CORO2B: variants seen among roughly 807,000 people sequenced by gnomAD.
CORO2B encodes coronin 2B, also known as coronin-2B.
Under a neutral mutation model 58.8 loss-of-function variants are expected in CORO2B, and 26 were observed. That is an observed-to-expected ratio of 0.44 (90% CI 0.32 to 0.61). The LOEUF is 0.61. Ranked by LOEUF, CORO2B falls within the 20% of genes least tolerant of loss-of-function variation. The pLI is 0.04. For missense variants in CORO2B, 460 were observed against 645.1 expected, an observed-to-expected ratio of 0.71 and a Z score of 3.11; for synonymous variants, 242 against 253.8, an observed-to-expected ratio of 0.95 and a Z score of 0.44.
the CORO2B span, among the ~76,000 whole-genome samples, chr15:68,528,052 C>G: frequency 6.6e-6 from 1 of 152,228 alleles, no homozygotes; most frequent in South Asian, 2.1e-4. Flanking sequence ...TTCTTTAGAA[C>G]TTTCTATGTA....
At chr15:68,661,389 A>G (rs2353383) in intron 2 of CORO2B, among the ~76,000 whole-genome samples, 147,412 of 152,266 alleles carry the variant, frequency 0.97, 71,554 homozygotes, top group East Asian at 1. Context: ...GGGTGGCCAG[A>G]GATATTGTCC....
rs535068266 is a variant in CORO2B at position 68,710,768 on chromosome 15, C to T, written c.370C>T (p.Arg124Trp). 34 of 1,611,194 alleles carry T rather than the reference C, an allele frequency of 2.1e-5. No individual in the cohort carries two copies. Among genetic ancestry groups the T allele is most frequent in the African/African-American group, 9.3e-5 (7 of 75,012 alleles). Residue 124 changes from arginine (R) to tryptophan (W), a missense_variant, in exon 4 of 12, where the codon CGG (arginine) becomes TGG (tryptophan). This residue lies in a region of CORO2B where 352 missense variants were observed against 543.0 expected (regional missense o/e 0.65). Transcript: ENST00000261861. This position sits in a 1 kb window ranked among gnomAD's most constrained non-coding sequence, Gnocchi z 4.1. ...GGAGATCCCCGAGGGCGGGCTGAAGCGGAACATGACGGAGGCGCTCCTGGA... is the reference window on the plus strand; with the variant it reads ...GGAGATCCCCGAGGGCGGGCTGAAGTGGAACATGACGGAGGCGCTCCTGGA... Reference protein sequence around the residue: ...IWEIPEGGLKRNMTEALLELH... With the variant: ...IWEIPEGGLKWNMTEALLELH...
At chr15:68,628,808 C>T (rs565998498) in intron 1 of CORO2B, among the ~76,000 whole-genome samples, 1 of 152,198 alleles carries the variant, frequency 6.6e-6, no homozygotes, top group Admixed American at 6.5e-5. Flanking sequence ...CCCAGCCTCT[C>T]CATTCATTCC....
In CORO2B at chr15:68,639,819, T is replaced by C. The variant is rs1048810246; in HGVS notation, c.16-5341T>C. ...GAAAACCAATCTCAAAACCAATATGTCCCAGTCTTGCGCCTTGTGCTCATT... is the reference window on the plus strand; with the variant it reads ...GAAAACCAATCTCAAAACCAATATGCCCCAGTCTTGCGCCTTGTGCTCATT... On this transcript the variant is annotated intron_variant, in intron 1 of 11. Coordinates refer to ENST00000261861, the MANE Select transcript of CORO2B (RefSeq NM_006091.5). 4.6e-5 allele frequency among the ~76,000 whole-genome samples: 7 copies of C among 152,224 alleles called. No individual in the cohort carries two copies. The East Asian group carries it at 1.3e-3, about 29-fold the overall frequency.
intron 2 of CORO2B, among the ~76,000 whole-genome samples, chr15:68,650,284 G>A (rs190266812): frequency 1.2e-4 from 17 of 147,554 alleles, no homozygotes; most frequent in African/African-American, 4.3e-4. Context: ...AGGAGAATTG[G>A]AGGCGGAGGT....
upstream of CORO2B, among the ~76,000 whole-genome samples, chr15:68,574,527 A>C (rs1008396562): frequency 6.6e-6 from 1 of 152,188 alleles, no homozygotes; most frequent in Non-Finnish European, 1.5e-5. Flanking sequence ...CTGGGCAAAG[A>C]AGCACATTAG....
intron 1 of CORO2B, among the ~76,000 whole-genome samples, chr15:68,636,733 C>T (rs1347688796): frequency 6.6e-6 from 1 of 152,236 alleles, no homozygotes; most frequent in African/African-American, 2.4e-5. Flanking sequence ...CACCCAGGAA[C>T]TTCCAGGTGT....
intron 2 of CORO2B, among the ~76,000 whole-genome samples, chr15:68,655,659 G>A (rs1377225183): frequency 6.6e-6 from 1 of 152,270 alleles, no homozygotes; most frequent in East Asian, 1.9e-4. Flanking sequence ...CTTTACTAAG[G>A]GAATTTGCAT....
chr15:68,579,213 C>CCGCCCCCGCACGCCGCGCCCG lies in CORO2B; in HGVS notation c.-40_-20dup. 1 of 1,039,268 alleles carries CCGCCCCCGCACGCCGCGCCCG rather than the reference C, an allele frequency of 9.6e-7. No homozygotes were observed. The highest frequency in any genetic ancestry group is 1.7e-5 in the African/African-American group (1 of 57,896). The allele number at this position is 1,039,268 out of a possible 1,614,324, so 64.4% of individuals were successfully genotyped here. Reference sequence around the variant, plus strand: ...CCGCCGCCGCCCCGGGCCGCCGCCGCCGCCCCCGCACGCCGCGCCCGCGCC... The same window carrying CCGCCCCCGCACGCCGCGCCCG: ...CCGCCGCCGCCCCGGGCCGCCGCCGCCGCCCCCGCACGCCGCGCCCGCGCCCCCGCACGCCGCGCCCGCGCC... On this transcript the variant is annotated 5_prime_UTR_variant, in exon 1 of 12. Coordinates refer to ENST00000261861, the MANE Select transcript of CORO2B (RefSeq NM_006091.5).
At chr15:68,550,260 C>A in the CORO2B span, among the ~76,000 whole-genome samples, 2 of 152,100 alleles carry the variant, frequency 1.3e-5, no homozygotes, top group Non-Finnish European at 2.9e-5. Flanking sequence ...CTTAAAAGAA[C>A]CCCCGGGATG....
chr15:68,690,159 G>C (rs1892322159), intron 2 of CORO2B, among the ~76,000 whole-genome samples: 1 of 152,166 alleles, frequency 6.6e-6, no homozygotes, highest in South Asian at 2.1e-4. Flanking sequence ...TTCTATCTCT[G>C]TATTTGGTGG....
intron 3 of CORO2B, among the ~76,000 whole-genome samples, chr15:68,702,713 T>G (rs1305663454): frequency 6.6e-6 from 1 of 152,040 alleles, no homozygotes; most frequent in African/African-American, 2.4e-5. Flanking sequence ...AGGCACCATC[T>G]CTGTGGATTG....
At chr15:68,643,700 T>C (rs192631994) in intron 1 of CORO2B, among the ~76,000 whole-genome samples, 210 of 152,246 alleles carry the variant, frequency 1.4e-3, no homozygotes, top group Non-Finnish European at 2.7e-3. Context: ...ACTTCTTCCT[T>C]CAATAAAGAG....
At chr15:68,539,618 T>C in the CORO2B span, among the ~76,000 whole-genome samples, 1 of 152,088 alleles carries the variant, frequency 6.6e-6, no homozygotes, top group Non-Finnish European at 1.5e-5. Context: ...GAGGCTGCAG[T>C]GAGCCAAGAT....
chr15:68,578,242 G>C (rs948560723), upstream of CORO2B, among the ~76,000 whole-genome samples: 7 of 152,190 alleles, frequency 4.6e-5, no homozygotes, highest in Non-Finnish European at 1.0e-4. The surrounding 1 kb of genome is among the most constrained non-coding windows in gnomAD (Gnocchi z 4.2). Flanking sequence ...TGGTAGTGTA[G>C]ACAGTCCTAG....
intron 1 of CORO2B, among the ~76,000 whole-genome samples, chr15:68,643,220 T>C (rs1901313620): frequency 1.3e-5 from 2 of 152,132 alleles, no homozygotes; most frequent in South Asian, 4.1e-4. Flanking sequence ...ACTTTGGGAA[T>C]AGTTGGTGTC....
chr15:68,624,424 C>T (rs979550924), intron 1 of CORO2B, among the ~76,000 whole-genome samples: 27 of 152,130 alleles, frequency 1.8e-4, no homozygotes, highest in African/African-American at 6.0e-4. Flanking sequence ...ACAGTGAGCA[C>T]GACTACCAAC....
chr15:68,591,272 G>T (rs761102435), intron 1 of CORO2B, among the ~76,000 whole-genome samples: 47 of 152,364 alleles, frequency 3.1e-4, no homozygotes, highest in Non-Finnish European at 6.2e-4. Flanking sequence ...GCATGAGTAG[G>T]CAGAGGCAGA....
chr15:68,623,895 G>A (rs1036336467), intron 1 of CORO2B, among the ~76,000 whole-genome samples: 2 of 152,128 alleles, frequency 1.3e-5, no homozygotes, highest in Admixed American at 1.3e-4. Context: ...AGCGTGGGTC[G>A]CACAGACTCC....
Sources: allele counts gnomAD v4.1 joint callset (sites outside exome capture counted in the v4.1 genomes callset), GRCh38; gene constraint gnomAD v4.1.1; regional missense constraint gnomAD v4.1.1; non-coding constraint Gnocchi (gnomAD v3.1); transcripts MANE v1.5; gene names NCBI Gene and HGNC (gene_info 2026-07-23, HGNC 2026-07-21).